Variants in BICRAL observed in about 807,000 individuals in gnomAD.
BICRAL encodes BICRA like chromatin remodeling complex associated protein, also known as BRD4-interacting chromatin-remodeling complex-associated protein-like.
A neutral mutation model predicts 91.8 loss-of-function variants in BICRAL; 8 were observed. The ratio of observed to expected loss-of-function variants is 0.09; its 90% CI spans 0.05 to 0.16. BICRAL has a LOEUF of 0.16. Among genes scored for constraint, BICRAL ranks in the 10% least tolerant of loss-of-function variants. The probability of loss-of-function intolerance (pLI) is 1.00; values close to 1 mark genes in which losing one functional copy is unlikely to be tolerated. For synonymous variants in BICRAL, 445 were observed against 491.1 expected, an observed-to-expected ratio of 0.91 and a Z score of 1.24; for missense variants, 1,038 against 1,310.9, an observed-to-expected ratio of 0.79 and a Z score of 3.21.
At chr6:42,757,476 T>G (rs1393791143) in intron 1 of BICRAL, among the ~76,000 whole-genome samples, 4 of 152,140 alleles carry the variant, frequency 2.6e-5, no homozygotes, top group African/African-American at 9.7e-5. Context: ...ATGGTCTCGA[T>G]CTCCTGACTT....
intron 1 of BICRAL, among the ~76,000 whole-genome samples, chr6:42,802,554 T>G (rs1267910250): frequency 6.6e-6 from 1 of 152,108 alleles, no homozygotes; most frequent in South Asian, 2.1e-4. Context: ...GTTCAAGCGA[T>G]TCTCCTGCCT....
chr6:42,805,294 G>T (rs566414328), intron 1 of BICRAL, among the ~76,000 whole-genome samples: 77 of 152,308 alleles, frequency 5.1e-4, no homozygotes, highest in African/African-American at 1.7e-3. Context: ...GTGTTTGGAG[G>T]CTAGGAGAGT....
At position 42,865,669 on chromosome 6, in the gene BICRAL, G is replaced by C; in HGVS notation, c.*223G>C. On this transcript the variant is annotated 3_prime_UTR_variant, in exon 13 of 13. Transcript: ENST00000314073. ...GATCCTTTAGTAAAATTAATCCTTG[G>C]CAGAAAGCAGTCTGATAGGCCCCAC... is the stretch of plus-strand genomic sequence containing the variant. 1.9e-6 allele frequency: 1 copy of C among 519,138 alleles called. No homozygotes were observed. The highest frequency in any genetic ancestry group is 3.4e-6 in the Non-Finnish European group (1 of 293,568). 32.2% of individuals were successfully genotyped at this position (519,138 alleles called of 1,614,324 possible). A position where few individuals can be genotyped will look rare whatever the true frequency, so the allele number is the denominator to read the frequency against.
intron 1 of BICRAL, among the ~76,000 whole-genome samples, chr6:42,776,691 A>G (rs190743685): frequency 1.9e-4 from 29 of 152,304 alleles, no homozygotes; most frequent in African/African-American, 6.7e-4. Flanking sequence ...ACTCTCCTCC[A>G]ACCAACCTGA....
Position 42,783,587 on chromosome 6 carries a change from C to CG in BICRAL, c.-102+1489dup, listed in dbSNP as rs1367740374. ...AGGGCGCCGCGAGGCCCGGGGCTAG[C>CG]GGGAGCCGAGAGCAGGGTGCTGAAT... On this transcript the variant is annotated intron_variant, in intron 1 of 12. Transcript: ENST00000314073. Among the ~76,000 whole-genome samples the CG allele has an allele frequency of 2.0e-5, 3 of 152,136 alleles. No homozygotes were observed. In the East Asian group the frequency reaches 5.8e-4, roughly 29 times the overall value.
At chr6:42,795,053 C>T (rs149656948) in intron 1 of BICRAL, among the ~76,000 whole-genome samples, 120 of 151,752 alleles carry the variant, frequency 7.9e-4, no homozygotes, top group Non-Finnish European at 1.5e-3. Flanking sequence ...GCATGAACGA[C>T]AGTCAAGGTA....
chr6:42,805,912 G>A (rs1763691660), intron 1 of BICRAL, among the ~76,000 whole-genome samples: 2 of 151,950 alleles, frequency 1.3e-5, no homozygotes, highest in Admixed American at 6.6e-5. Flanking sequence ...TGAGGCAGGA[G>A]AATGGCGTGA....
chr6:42,762,693 A>G (rs571686061), intron 1 of BICRAL, among the ~76,000 whole-genome samples: 134 of 152,252 alleles, frequency 8.8e-4, no homozygotes, highest in African/African-American at 3.1e-3. Flanking sequence ...CACACCTATA[A>G]TCCCAGCACT....
At chr6:42,785,548 C>G (rs1024787066) in intron 1 of BICRAL, among the ~76,000 whole-genome samples, 1 of 123,836 alleles carries the variant, frequency 8.1e-6, no homozygotes, top group Admixed American at 8.2e-5. Context: ...GAAACAAGAA[C>G]GAAACTCCCA....
At chr6:42,804,169 T>G (rs971713428) in intron 1 of BICRAL, among the ~76,000 whole-genome samples, 3 of 152,162 alleles carry the variant, frequency 2.0e-5, no homozygotes, top group Non-Finnish European at 4.4e-5. Context: ...ATTACAGGCA[T>G]GTGCCGCCAT....
At chr6:42,756,854 G>GCGCTGTCTCTCGCTTGGCTCT (rs1330709159) in intron 1 of BICRAL, among the ~76,000 whole-genome samples, 1 of 150,656 alleles carries the variant, frequency 6.6e-6, no homozygotes, top group East Asian at 2.0e-4. Context: ...GCACATGCTT[G>GCGCTGTCTCTCGCTTGGCTCT]CGCTGTCTCT....
chr6:42,787,269 A>C (rs1160188583), intron 1 of BICRAL, among the ~76,000 whole-genome samples: 1 of 152,166 alleles, frequency 6.6e-6, no homozygotes, highest in Non-Finnish European at 1.5e-5. Flanking sequence ...TGGTTGGAGA[A>C]GACTGGAGGA....
At chr6:42,803,410 G>C (rs954631942) in intron 1 of BICRAL, among the ~76,000 whole-genome samples, 1 of 152,118 alleles carries the variant, frequency 6.6e-6, no homozygotes, top group Admixed American at 6.6e-5. Flanking sequence ...TGGATAATAA[G>C]GGTCCAGCAT....
intron 5 of BICRAL, among the ~76,000 whole-genome samples, chr6:42,826,294 G>A (rs2113951054): frequency 7.2e-6 from 1 of 138,592 alleles, no homozygotes; most frequent in Non-Finnish European, 1.7e-5. Flanking sequence ...AAGTGCAGTG[G>A]TGCAATCTCG....
intron 6 of BICRAL, among the ~76,000 whole-genome samples, chr6:42,844,508 CAAAAA>C (rs34115804): frequency 0.012 from 376 of 31,364 alleles, 5 homozygotes; most frequent in Middle Eastern, 0.056. Flanking sequence ...GACTCCATCT[CAAAAA>C]AAAAAAAAAA....
chr6:42,747,630 C>G (rs1019420618), intron 1 of BICRAL, among the ~76,000 whole-genome samples: 3 of 152,104 alleles, frequency 2.0e-5, no homozygotes, highest in African/African-American at 7.2e-5. Context: ...CCCGCGCAGG[C>G]GGGGCGCGGG....
At chr6:42,782,951 G>C (rs985847444) in intron 1 of BICRAL, among the ~76,000 whole-genome samples, 1 of 151,290 alleles carries the variant, frequency 6.6e-6, no homozygotes, top group African/African-American at 2.4e-5. Context: ...CTTTCTTCTC[G>C]GCAAAATGGA....
At chr6:42,759,792 G>A (rs971313057) in intron 1 of BICRAL, among the ~76,000 whole-genome samples, 3 of 152,086 alleles carry the variant, frequency 2.0e-5, no homozygotes, top group Non-Finnish European at 2.9e-5. Context: ...GCCCTCTGTT[G>A]GTTCTGGTTA....
In BICRAL at chr6:42,857,614, A is replaced by AAAAAT; in HGVS notation, c.2254+379_2254+380insAAATA. On this transcript the variant is annotated intron_variant, in intron 10 of 12. Transcript: ENST00000314073. ...ACACTGTCTCTTAAAAAAAAAAAAA[A>AAAAAT]ATATATATATATATATATATATTTT... 7.4e-4 allele frequency among the ~76,000 whole-genome samples: 71 copies of AAAAAT among 96,212 alleles called. 1 individual carries two copies. The highest frequency in any genetic ancestry group is 4.4e-3 in the African/African-American group (67 of 15,276). 63.1% of individuals were successfully genotyped at this position (96,212 alleles called of 152,430 possible). A position where few individuals can be genotyped will look rare whatever the true frequency, so the allele number is the denominator to read the frequency against.
Sources: allele counts gnomAD v4.1 joint callset (sites outside exome capture counted in the v4.1 genomes callset), GRCh38; gene constraint gnomAD v4.1.1; transcripts MANE v1.5; gene names NCBI Gene and HGNC (gene_info 2026-07-23, HGNC 2026-07-21).